KCND2: variants seen among roughly 807,000 people sequenced by gnomAD.
KCND2 encodes A-type voltage-gated potassium channel KCND2.
A neutral mutation model predicts 54.4 loss-of-function variants in KCND2; 16 were observed. That is an observed-to-expected ratio of 0.29 (90% confidence interval 0.20 to 0.45). The LOEUF is 0.45. Among genes scored for constraint, KCND2 ranks in the 20% least tolerant of loss-of-function variants. The probability of loss-of-function intolerance (pLI) is 1.00; values close to 1 mark genes in which losing one functional copy is unlikely to be tolerated. For synonymous variants in KCND2, 317 were observed against 310.7 expected, an observed-to-expected ratio of 1.02 and a Z score of -0.21; for missense variants, 486 against 824.2, an observed-to-expected ratio of 0.59 and a Z score of 5.02.
chr7:120,317,834 C>T (rs927168053), intron 1 of KCND2, among the ~76,000 whole-genome samples: 1 of 152,104 alleles, frequency 6.6e-6, no homozygotes, highest in African/African-American at 2.4e-5. Flanking sequence ...GAATATAAAG[C>T]CAATGATTTC....
chr7:120,706,229 C>A (rs150150576), intron 1 of KCND2, among the ~76,000 whole-genome samples: 3 of 151,998 alleles, frequency 2.0e-5, no homozygotes, highest in African/African-American at 7.3e-5. Flanking sequence ...TTTGTGAGTA[C>A]CGAAGATTAT....
chr7:120,310,714 A>T (rs569989185), intron 1 of KCND2, among the ~76,000 whole-genome samples: 6 of 152,248 alleles, frequency 3.9e-5, no homozygotes, highest in African/African-American at 1.2e-4. Context: ...AGGCAGGCAG[A>T]TCACTTGAGG....
intron 5 of KCND2, among the ~76,000 whole-genome samples, chr7:120,746,391 T>C (rs1163412109): frequency 6.6e-6 from 1 of 152,078 alleles, no homozygotes; most frequent in Non-Finnish European, 1.5e-5. Flanking sequence ...AAGAGTCAAA[T>C]GAAATTGAGA....
intron 1 of KCND2, among the ~76,000 whole-genome samples, chr7:120,702,131 G>A (rs1466078887): frequency 6.6e-6 from 1 of 151,950 alleles, no homozygotes; most frequent in Non-Finnish European, 1.5e-5. Flanking sequence ...TAAAAAGTGG[G>A]CAAAGGACAT....
chr7:120,716,164 T>C (rs954123659), intron 1 of KCND2, among the ~76,000 whole-genome samples: 10 of 152,074 alleles, frequency 6.6e-5, no homozygotes. Flanking sequence ...AAAGCCTCAC[T>C]AAGGTAAAGG....
rs141496778 is a variant in KCND2, at chr7:120,559,359, C to A, written c.1116-173544C>A. ...ACAATCTCACTTTTCATCTACCAGA[C>A]AATTCCAAGTGGTCAACAACTACAC... On this transcript the variant is annotated intron_variant, in intron 1 of 5. Transcript: ENST00000331113. Among the ~76,000 whole-genome samples, 1,194 of 152,310 alleles carry A rather than the reference C, an allele frequency of 7.8e-3. 6 individuals carry two copies. Among genetic ancestry groups the A allele is most frequent in the Middle Eastern group, 0.041 (12 of 292 alleles).
intron 1 of KCND2, among the ~76,000 whole-genome samples, chr7:120,462,755 A>G (rs1802302052): frequency 6.6e-6 from 1 of 151,936 alleles, no homozygotes; most frequent in African/African-American, 2.4e-5. Context: ...GAAATAAAAC[A>G]AGTCTGTAAC....
intron 1 of KCND2, among the ~76,000 whole-genome samples, chr7:120,480,475 G>A (rs1802592225): frequency 6.6e-6 from 1 of 152,140 alleles, no homozygotes; most frequent in Admixed American, 6.6e-5. Context: ...AAATAAATGA[G>A]CAGATTGAAT....
chr7:120,475,084 T>C (rs189349315), intron 1 of KCND2, among the ~76,000 whole-genome samples: 27 of 152,318 alleles, frequency 1.8e-4, no homozygotes, highest in African/African-American at 6.5e-4. Flanking sequence ...CTATGTGAAA[T>C]GTTGCTATAA....
chr7:120,677,122 T>C (rs1036085922), intron 1 of KCND2, among the ~76,000 whole-genome samples: 1 of 152,134 alleles, frequency 6.6e-6, no homozygotes, highest in Non-Finnish European at 1.5e-5. Context: ...TGTCAGGACT[T>C]AAGAGCAGAG....
chr7:120,339,945 G>T (rs2116363840), intron 1 of KCND2, among the ~76,000 whole-genome samples: 1 of 152,298 alleles, frequency 6.6e-6, no homozygotes, highest in South Asian at 2.1e-4. Context: ...TATCTGGTAT[G>T]TTCACTGTAT....
intron 1 of KCND2, among the ~76,000 whole-genome samples, chr7:120,358,476 G>T (rs976854307): frequency 1.3e-5 from 2 of 151,994 alleles, no homozygotes; most frequent in African/African-American, 4.8e-5. Context: ...TTCAGATTTT[G>T]GTGCTTTAAT....
At chr7:120,482,778 T>C (rs772024145) in intron 1 of KCND2, among the ~76,000 whole-genome samples, 3 of 152,192 alleles carry the variant, frequency 2.0e-5, no homozygotes, top group Non-Finnish European at 4.4e-5. Flanking sequence ...GTAAATTACC[T>C]AGTCTGTGGC....
intron 1 of KCND2, among the ~76,000 whole-genome samples, chr7:120,643,001 G>GTATT: frequency 6.6e-6 from 1 of 152,292 alleles, no homozygotes; most frequent in South Asian, 2.1e-4. Context: ...CTCCCACAGT[G>GTATT]TATTATTCCA....
chr7:120,738,551 G>A (rs1792902118), intron 2 of KCND2, among the ~76,000 whole-genome samples: 1 of 151,958 alleles, frequency 6.6e-6, no homozygotes, highest in African/African-American at 2.4e-5. Flanking sequence ...TGTAAACCTT[G>A]CTTTAATTAA....
chr7:120,595,581 G>A (rs1356514617), intron 1 of KCND2, among the ~76,000 whole-genome samples: 39 of 59,054 alleles, frequency 6.6e-4, no homozygotes, highest in Non-Finnish European at 1.2e-3. Flanking sequence ...GTATATATAT[G>A]TGTGTGTGTG....
chr7:120,301,893 T>C (rs1799589664), intron 1 of KCND2, among the ~76,000 whole-genome samples: 1 of 152,062 alleles, frequency 6.6e-6, no homozygotes. Context: ...TTGAAAGAGG[T>C]AACCATATGA....
At chr7:120,450,547 C>T in intron 1 of KCND2, among the ~76,000 whole-genome samples, 1 of 152,102 alleles carries the variant, frequency 6.6e-6, no homozygotes, top group East Asian at 1.9e-4. Context: ...GAGAAAAGTC[C>T]TTCATGAATT....
At position 120,690,214 on chromosome 7, in the gene KCND2, T is replaced by A. The variant is rs1792252072; in HGVS notation, c.1116-42689T>A. Among the ~76,000 whole-genome samples the A allele has an allele frequency of 2.0e-5, 3 of 152,204 alleles. No individual in the cohort carries two copies. In the South Asian group the frequency reaches 6.2e-4, roughly 31 times the overall value. On this transcript the variant is annotated intron_variant, in intron 1 of 5. Coordinates refer to ENST00000331113, the MANE Select transcript of KCND2 (RefSeq NM_012281.3). The stretch of plus-strand genomic sequence containing the variant: ...CTAGTACTTGTCTATGAAGGGCTAA[T>A]ATATGACACAAATATAAGGCATACA...
Sources: gnomAD v4.1 joint callset for allele counts (sites outside exome capture counted in the v4.1 genomes callset) on GRCh38, gnomAD v4.1.1 for gene constraint, MANE v1.5 for transcripts, NCBI Gene and HGNC (gene_info 2026-07-23, HGNC 2026-07-21) for gene names.